Variants in MYO16 observed in about 807,000 individuals in gnomAD.
MYO16 encodes the protein myosin XVI.
In MYO16, 94 loss-of-function variants were observed where a neutral mutation model predicts 205.3. That is an observed-to-expected ratio of 0.46 (90% CI 0.39 to 0.54). MYO16 has a LOEUF of 0.54. MYO16 is among the 20% of genes least tolerant of loss of function. The pLI is 0.00. For synonymous variants in MYO16, 988 were observed against 954.0 expected (o/e 1.04, Z -0.66); for missense variants, 2,315 against 2,387.5 (o/e 0.97, Z 0.63).
chr13:108,976,845 A>G (rs764171460), intron 20 of MYO16, among the ~76,000 whole-genome samples: 24 of 152,308 alleles, frequency 1.6e-4, no homozygotes, highest in Non-Finnish European at 2.4e-4. Context: ...AAAGGAATCC[A>G]GGCAAGCAAC....
chr13:108,754,513 G>GGTGT (rs111500208), intron 4 of MYO16, among the ~76,000 whole-genome samples: 35 of 147,738 alleles, frequency 2.4e-4, no homozygotes, highest in Non-Finnish European at 4.1e-4. Context: ...TACAGGTTTT[G>GGTGT]GCGTGTGTGT....
intron 1 of MYO16, among the ~76,000 whole-genome samples, chr13:108,646,434 G>GA (rs949956086): frequency 7.9e-5 from 12 of 152,182 alleles, no homozygotes; most frequent in African/African-American, 2.6e-4. Context: ...CAAAGTTATG[G>GA]AAAAAAATCT....
At chr13:109,106,727 C>T (rs901654691) in intron 28 of MYO16, among the ~76,000 whole-genome samples, 1 of 152,150 alleles carries the variant, frequency 6.6e-6, no homozygotes, top group East Asian at 1.9e-4. Flanking sequence ...ACTCACACAG[C>T]ACTGGGAGAG....
chr13:108,924,276 T>C (rs1217791928), intron 16 of MYO16, among the ~76,000 whole-genome samples: 1 of 152,226 alleles, frequency 6.6e-6, no homozygotes, highest in East Asian at 1.9e-4. Context: ...CAGACCATTC[T>C]TCCTGGGACT....
the MYO16 span, among the ~76,000 whole-genome samples, chr13:108,500,461 A>C: frequency 6.0e-5 from 9 of 150,882 alleles, no homozygotes; most frequent in African/African-American, 9.8e-5. Context: ...AACTCCTGAC[A>C]TCGTGATCCA....
chr13:108,725,843 C>T (rs907045563), intron 3 of MYO16, among the ~76,000 whole-genome samples: 10 of 152,194 alleles, frequency 6.6e-5, no homozygotes, highest in African/African-American at 2.4e-4. Flanking sequence ...CCTGGTCAAG[C>T]CAGGTTCTTC....
At chr13:108,507,705 T>C in the MYO16 span, among the ~76,000 whole-genome samples, 1 of 152,216 alleles carries the variant, frequency 6.6e-6, no homozygotes, top group Non-Finnish European at 1.5e-5. Context: ...AGATAAGTTC[T>C]CTGCCTCTTT....
the MYO16 span, among the ~76,000 whole-genome samples, chr13:108,565,841 G>A: frequency 1.3e-5 from 2 of 152,094 alleles, no homozygotes; most frequent in Non-Finnish European, 2.9e-5. Context: ...TTATTACGTT[G>A]AGGTTATGTT....
At chr13:108,602,850 T>A (rs1306123127) in intron 1 of MYO16, among the ~76,000 whole-genome samples, 4 of 152,172 alleles carry the variant, frequency 2.6e-5, no homozygotes, top group African/African-American at 9.7e-5. Context: ...CTAATGAATT[T>A]GAGGCAAAAC....
At chr13:108,602,456 G>A (rs796325492) in intron 1 of MYO16, among the ~76,000 whole-genome samples, 25 of 151,626 alleles carry the variant, frequency 1.6e-4, no homozygotes, top group African/African-American at 5.8e-4. Context: ...ATTGGTAGGA[G>A]TTTTGAAGAT....
chr13:108,661,115 A>C (rs911392858), intron 1 of MYO16, among the ~76,000 whole-genome samples: 1 of 152,170 alleles, frequency 6.6e-6, no homozygotes, highest in Non-Finnish European at 1.5e-5. Context: ...TAGGTCCCCA[A>C]GCCCTTGTAG....
intron 16 of MYO16, among the ~76,000 whole-genome samples, chr13:108,919,189 G>C (rs1346330570): frequency 1.3e-5 from 2 of 152,212 alleles, no homozygotes; most frequent in Non-Finnish European, 2.9e-5. Flanking sequence ...TGGCTATCAT[G>C]TCTTTTTCTC....
chr13:108,657,418 T>A (rs1881293053), intron 1 of MYO16, among the ~76,000 whole-genome samples: 1 of 152,210 alleles, frequency 6.6e-6, no homozygotes, highest in Non-Finnish European at 1.5e-5. Context: ...TACCTGTAAT[T>A]TTTTTAATGA....
intron 6 of MYO16, among the ~76,000 whole-genome samples, chr13:108,794,497 T>A (rs7998729): frequency 2.0e-5 from 3 of 152,144 alleles, no homozygotes; most frequent in Non-Finnish European, 2.9e-5. Flanking sequence ...AGGAGCATGC[T>A]TTCATTTTAG....
chr13:108,976,189 A>G (rs1280291325), intron 20 of MYO16, among the ~76,000 whole-genome samples: 2 of 152,172 alleles, frequency 1.3e-5, no homozygotes. Flanking sequence ...CTTTTTGATG[A>G]TAATATTGGA....
intron 1 of MYO16, among the ~76,000 whole-genome samples, chr13:108,613,748 A>G (rs1879254860): frequency 6.6e-6 from 1 of 152,152 alleles, no homozygotes; most frequent in South Asian, 2.1e-4. Context: ...GCAAAGTATT[A>G]CAAAAGACAA....
chr13:109,190,927 T>C (rs1019955027), intron 34 of MYO16, among the ~76,000 whole-genome samples: 2 of 152,102 alleles, frequency 1.3e-5, no homozygotes, highest in Non-Finnish European at 2.9e-5. Flanking sequence ...TGCATAAAAT[T>C]GAATTTTCAG....
chr13:108,791,360 T>C (rs1007665525), intron 5 of MYO16, among the ~76,000 whole-genome samples: 4 of 152,224 alleles, frequency 2.6e-5, no homozygotes, highest in Admixed American at 2.6e-4. Flanking sequence ...AATAATAGTA[T>C]ATGACACACC....
At chr13:108,605,878 G>A (rs9587628) in intron 1 of MYO16, among the ~76,000 whole-genome samples, 1 of 151,996 alleles carries the variant, frequency 6.6e-6, no homozygotes, top group African/African-American at 2.4e-5. Flanking sequence ...GAAAAATACT[G>A]GAAGATGTGG....
Sources: allele counts gnomAD v4.1 joint callset (sites outside exome capture counted in the v4.1 genomes callset), GRCh38; gene constraint gnomAD v4.1.1; transcripts MANE v1.5; gene names NCBI Gene and HGNC (gene_info 2026-07-23, HGNC 2026-07-21).